PIK3C2G: variants seen among roughly 807,000 people sequenced by gnomAD.
PIK3C2G encodes the protein phosphatidylinositol-4-phosphate 3-kinase catalytic subunit type 2 gamma.
In PIK3C2G, 168 loss-of-function variants were observed where a neutral mutation model predicts 181.1. The ratio of observed to expected loss-of-function variants is 0.93; its 90% CI spans 0.82 to 1.05. PIK3C2G has a LOEUF of 1.05. Ranked by LOEUF, PIK3C2G falls within the 50% of genes least tolerant of loss-of-function variation. The pLI, the probability that PIK3C2G is intolerant of heterozygous loss-of-function variation, is 0.00. For synonymous variants in PIK3C2G, 573 were observed against 592.2 expected, an observed-to-expected ratio of 0.97 and a Z score of 0.47; for missense variants, 1,869 against 1,732.8, an observed-to-expected ratio of 1.08 and a Z score of -1.40.
At chr12:18,264,860 T>C (rs1225591275) in intron 1 of PIK3C2G, among the ~76,000 whole-genome samples, 3 of 152,152 alleles carry the variant, frequency 2.0e-5, no homozygotes, top group East Asian at 1.9e-4. Context: ...CTTCTGTAGA[T>C]TGAGATCAGC....
chr12:18,641,950 G>A (rs1008157364), intron 32 of PIK3C2G, among the ~76,000 whole-genome samples: 7 of 151,898 alleles, frequency 4.6e-5, no homozygotes, highest in South Asian at 2.1e-4. Flanking sequence ...GGGTTTTGCC[G>A]TGTTGGTCAG....
intron 5 of PIK3C2G, among the ~76,000 whole-genome samples, chr12:18,309,982 T>C (rs966388997): frequency 6.6e-6 from 1 of 151,794 alleles, no homozygotes; most frequent in Non-Finnish European, 1.5e-5. Flanking sequence ...GGTAAGTAAA[T>C]GAAGTATTTA....
At chr12:18,464,373 T>C (rs1319628991) in intron 18 of PIK3C2G, among the ~76,000 whole-genome samples, 1 of 151,988 alleles carries the variant, frequency 6.6e-6, no homozygotes, top group Non-Finnish European at 1.5e-5. Context: ...GTCCCTACTC[T>C]CAACACAATT....
Position 18,377,818 on chromosome 12 carries a change from G to A in PIK3C2G, c.1881-3948G>A, listed in dbSNP as rs563177382. Reference sequence around the variant, plus strand: ...TGCCTGGTCTTATATATGGCTTTAAGTTATAAATATTACATATATATATGG... The same window carrying A: ...TGCCTGGTCTTATATATGGCTTTAAATTATAAATATTACATATATATATGG... On this transcript the variant is annotated intron_variant, in intron 13 of 32. Coordinates refer to ENST00000538779, the MANE Select transcript of PIK3C2G (RefSeq NM_001288772.2). Among the ~76,000 whole-genome samples the A allele has an allele frequency of 3.3e-5, 5 of 152,230 alleles. 1 individual carries two copies. Among genetic ancestry groups the A allele is most frequent in the African/African-American group, 9.6e-5 (4 of 41,518 alleles).
At chr12:18,404,195 C>A (rs1944399325) in intron 16 of PIK3C2G, among the ~76,000 whole-genome samples, 1 of 151,922 alleles carries the variant, frequency 6.6e-6, no homozygotes. Flanking sequence ...TTAATTTATA[C>A]TGATGCCATT....
chr12:18,493,889 C>T (rs1015439046), intron 20 of PIK3C2G, among the ~76,000 whole-genome samples: 3 of 152,150 alleles, frequency 2.0e-5, no homozygotes, highest in Non-Finnish European at 4.4e-5. Flanking sequence ...TACCCACAAA[C>T]CATTAATCAC....
In PIK3C2G at chr12:18,427,579, G is replaced by A. The variant is rs1945907096; in HGVS notation, c.2504+3540G>A. ...TAAAGACTTATTCTAATTGACTAAC[G>A]ATTGTTAAAATACTTGGACCACCTC... On this transcript the variant is annotated intron_variant, in intron 18 of 32. Transcript: ENST00000538779. Among the ~76,000 whole-genome samples, 5 of 150,202 alleles carry A rather than the reference G, an allele frequency of 3.3e-5. No homozygotes were observed. In the South Asian group the frequency reaches 6.3e-4, roughly 19 times the overall value.
At chr12:18,695,032 C>T in the PIK3C2G span, 2 of 1,613,006 alleles carry the variant, frequency 1.2e-6, no homozygotes, top group Non-Finnish European at 8.5e-7. Flanking sequence ...AAAAATTTCC[C>T]ATTTTGCAGA....
chr12:18,362,860 T>C lies in PIK3C2G; in HGVS notation c.1722T>C (p.Phe574=), dbSNP rs751341325. The change falls in exon 12 of 33, where the codon TTT becomes TTC. Residue 574 remains phenylalanine, a synonymous_variant. Coordinates refer to ENST00000538779, the MANE Select transcript of PIK3C2G (RefSeq NM_001288772.2). ...GAAATATTCCAGACAAGAAATTATT[T>C]TTTTTCTTGGTCAACTGGAATGAAA... is the stretch of plus-strand genomic sequence containing the variant. ...NYRNIPDKKL[F]FFLVNWNETI... The C allele has an allele frequency of 4.9e-5, 74 of 1,515,334 alleles. No homozygotes were observed. The African/African-American group carries it at 8.0e-4, about 16-fold the overall frequency. The allele number at this position is 1,515,334 out of a possible 1,614,324, so 93.9% of individuals were successfully genotyped here.
rs555598769 is a variant in PIK3C2G, at chr12:18,290,974, T to C, written c.881T>C (p.Ile294Thr). 451 of 1,600,198 alleles carry C rather than the reference T, an allele frequency of 2.8e-4. No individual in the cohort carries two copies. The highest frequency in any genetic ancestry group is 8.1e-4 in the South Asian group (73 of 90,642). ...ACCAAGTTTAATATACATATTTTTATTGATAACTCAACACAACCTCTTCAT... is the reference window on the plus strand; with the variant it reads ...ACCAAGTTTAATATACATATTTTTACTGATAACTCAACACAACCTCTTCAT... ...SKTKFNIHIF[I>T]DNSTQPLHFM... is the part of the protein sequence containing the mutation. The change falls in exon 4 of 33, where the codon ATT (isoleucine) becomes ACT (threonine). Residue 294 changes from isoleucine to threonine, a missense_variant. Transcript: ENST00000538779.
At chr12:18,688,079 A>G in the PIK3C2G span, 5 of 1,610,222 alleles carry the variant, frequency 3.1e-6, no homozygotes, top group Non-Finnish European at 3.4e-6. Context: ...AAGGTATATC[A>G]GGAGCTCACC....
chr12:18,377,052 C>T (rs117374847), intron 13 of PIK3C2G, among the ~76,000 whole-genome samples: 354 of 152,324 alleles, frequency 2.3e-3, no homozygotes, highest in Non-Finnish European at 3.5e-3. Context: ...TGCCTGGGCT[C>T]TACTCTTGCA....
rs191146250 is a variant in PIK3C2G, at chr12:18,463,763, A to T, written c.2505-24686A>T. 1.8e-4 allele frequency among the ~76,000 whole-genome samples: 27 copies of T among 152,304 alleles called. No homozygotes were observed. In the East Asian group the frequency reaches 5.0e-3, roughly 28 times the overall value. On this transcript the variant is annotated intron_variant, in intron 18 of 32. Transcript: ENST00000538779. ...GACCTAGACTCACATTTTACAATTG[A>T]GGAAACTGGAGGCCAGAGAGACTTG... is the stretch of plus-strand genomic sequence containing the variant.
chr12:18,323,552 G>T (rs976659914), intron 7 of PIK3C2G, among the ~76,000 whole-genome samples: 1 of 151,816 alleles, frequency 6.6e-6, no homozygotes, highest in South Asian at 2.1e-4. Context: ...CTTCATAAAG[G>T]CCACTGTAGA....
chr12:18,444,906 A>G (rs556058245), intron 18 of PIK3C2G, among the ~76,000 whole-genome samples: 58 of 152,286 alleles, frequency 3.8e-4, no homozygotes, highest in African/African-American at 1.4e-3. Context: ...GTCCTTACCC[A>G]TAATTAAAAC....
chr12:18,425,808 A>G (rs992573185), intron 18 of PIK3C2G, among the ~76,000 whole-genome samples: 28 of 152,378 alleles, frequency 1.8e-4, no homozygotes, highest in African/African-American at 6.7e-4. Flanking sequence ...GATAAATACC[A>G]TGTGACTGAA....
At chr12:18,563,029 A>C in intron 27 of PIK3C2G, 137 bp downstream of exon 27, 1 of 658,258 alleles carries the variant, frequency 1.5e-6, no homozygotes, top group Non-Finnish European at 2.6e-6. Flanking sequence ...TTTAAGCAGA[A>C]GTGTCATTAA....
the PIK3C2G span, chr12:18,699,991 C>A: frequency 4.5e-6 from 7 of 1,564,168 alleles, no homozygotes; most frequent in Non-Finnish European, 6.1e-6. Flanking sequence ...TTATGCTAAT[C>A]ATTGGGAAAA....
chr12:18,680,619 A>G, the PIK3C2G span, among the ~76,000 whole-genome samples: 1 of 152,046 alleles, frequency 6.6e-6, no homozygotes, highest in South Asian at 2.1e-4. Context: ...AACATAATTA[A>G]ACTTTTCTGT....
Sources: gnomAD v4.1 joint callset for allele counts (sites outside exome capture counted in the v4.1 genomes callset) on GRCh38, gnomAD v4.1.1 for gene constraint, MANE v1.5 for transcripts, NCBI Gene and HGNC (gene_info 2026-07-23, HGNC 2026-07-21) for gene names.